Variants in LIPF observed in about 807,000 individuals in gnomAD.
The protein encoded by LIPF is gastric triacylglycerol lipase.
A neutral mutation model predicts 38.0 loss-of-function variants in LIPF; 25 were observed. The ratio of observed to expected loss-of-function variants is 0.66; its 90% CI spans 0.48 to 0.92. LIPF has a LOEUF of 0.92. Among genes scored for constraint, LIPF ranks in the 40% least tolerant of loss-of-function variants. The pLI, the probability that LIPF is intolerant of heterozygous loss-of-function variation, is 0.00. For missense variants in LIPF, 410 were observed against 469.9 expected (o/e 0.87, Z 1.18); for synonymous variants, 161 against 156.2 (o/e 1.03, Z -0.23).
intron 4 of LIPF, 69 bp from the exon 5 acceptor site, chr10:88,669,768 T>C: frequency 1.8e-6 from 2 of 1,104,558 alleles, no homozygotes; most frequent in East Asian, 2.4e-5. Context: ...TCATTAGCTA[T>C]AAATGCTTGA....
chr10:88,668,588 GT>G lies in LIPF; in HGVS notation c.257del (p.Leu86CysfsTer73). The G allele has an allele frequency of 6.2e-7, 1 of 1,614,120 alleles. No homozygotes were observed. The highest frequency in any genetic ancestry group is 1.3e-5 in the African/African-American group (1 of 75,036). On this transcript the variant is annotated frameshift_variant, in exon 4 of 10. Transcript: ENST00000238983. LOFTEE classifies it high-confidence loss of function. Reference protein sequence around the residue: ...GQRPVVFLQHGLLASATNWIS... With the variant: ...GQRPVVFLQHXLLASATNWIS... ...AGACCTGTTGTGTTTTTGCAGCATG[GT>G]TTGCTTGCATCAGCCACAAACTGGA... is the stretch of plus-strand genomic sequence containing the variant.
At chr10:88,675,719 T>C in intron 8 of LIPF, 62 bp downstream of exon 8, 1 of 1,201,816 alleles carries the variant, frequency 8.3e-7, no homozygotes, top group Middle Eastern at 1.9e-4. Context: ...TCACTTTACC[T>C]AAACACATTC....
intron 6 of LIPF, 124 bp from the exon 7 acceptor site, chr10:88,673,461 AAAC>A (rs1293227411): frequency 2.5e-6 from 2 of 794,544 alleles, no homozygotes; most frequent in Admixed American, 2.6e-5. Context: ...GAAATTCCTA[AAAC>A]AACATGTAAG....
chr10:88,678,180 G>T (rs1287594850), intron 9 of LIPF, among the ~76,000 whole-genome samples: 3 of 152,176 alleles, frequency 2.0e-5, no homozygotes, highest in Non-Finnish European at 4.4e-5. Flanking sequence ...AGAATCTCAG[G>T]CTGTTCCCCA....
chr10:88,673,784 T>G, intron 7 of LIPF, 50 bp downstream of exon 7: 1 of 1,484,800 alleles, frequency 6.7e-7, no homozygotes, highest in Non-Finnish European at 9.3e-7. Flanking sequence ...TTTGATTACT[T>G]GTTTCATTGC....
rs546126718 is a variant in LIPF at position 88,670,002 on chromosome 10, G to C, written c.532+56G>C. 24 of 1,105,580 alleles carry C rather than the reference G, an allele frequency of 2.2e-5. 1 individual carries two copies. Among genetic ancestry groups the C allele is most frequent in the Non-Finnish European group, 3.1e-5 (23 of 735,410 alleles). The allele number at this position is 1,105,580 out of a possible 1,614,324, so 68.5% of individuals were successfully genotyped here. On this transcript the variant is annotated intron_variant, in intron 5 of 9. Coordinates refer to ENST00000238983, the MANE Select transcript of LIPF (RefSeq NM_004190.4). ...TACTTCTCATAAACACTTTCCCAGTGGTTATGGTAGGCATGTTAGCAACCA... is the reference window on the plus strand; with the variant it reads ...TACTTCTCATAAACACTTTCCCAGTCGTTATGGTAGGCATGTTAGCAACCA...
Position 88,678,328 on chromosome 10 carries a change from A to G in LIPF, c.961-117A>G, listed in dbSNP as rs17287212. ...TAAAGGTGGTTTTCTCTGTGCAATC[A>G]TTGCTAGAATTCACTTATAAAACCG... is the stretch of plus-strand genomic sequence containing the variant. On this transcript the variant is annotated intron_variant, in intron 9 of 9. Transcript: ENST00000238983. 1.4e-3 allele frequency: 1,071 copies of G among 775,540 alleles called. 10 individuals carry two copies. In the African/African-American group the frequency reaches 0.017, roughly 12 times the overall value. 48.0% of individuals were successfully genotyped at this position (775,540 alleles called of 1,614,324 possible). A position where few individuals can be genotyped will look rare whatever the true frequency, so the allele number is the denominator to read the frequency against.
At position 88,678,769 on chromosome 10, in the gene LIPF, C is replaced by A; in HGVS notation, c.*88C>A. ...TTTTCATAATGTTTGACATGCAGTGCTTCTTTCTGTAATTTTGACTTTAGA... is the reference window on the plus strand; with the variant it reads ...TTTTCATAATGTTTGACATGCAGTGATTCTTTCTGTAATTTTGACTTTAGA... On this transcript the variant is annotated 3_prime_UTR_variant, in exon 10 of 10. Coordinates refer to ENST00000238983, the MANE Select transcript of LIPF (RefSeq NM_004190.4). 1.2e-6 allele frequency: 1 copy of A among 806,860 alleles called. No homozygotes were observed. Among genetic ancestry groups the A allele is most frequent in the Non-Finnish European group, 2.0e-6 (1 of 505,776 alleles). The allele number at this position is 806,860 out of a possible 1,614,324, so 50.0% of individuals were successfully genotyped here.
At chr10:88,677,455 G>A (rs1234223237) in intron 9 of LIPF, among the ~76,000 whole-genome samples, 1 of 152,118 alleles carries the variant, frequency 6.6e-6, no homozygotes, top group African/African-American at 2.4e-5. Context: ...ACTAATTTAA[G>A]AGCCAGGGCC....
At chr10:88,677,921 C>G (rs1841711669) in intron 9 of LIPF, among the ~76,000 whole-genome samples, 1 of 152,160 alleles carries the variant, frequency 6.6e-6, no homozygotes, top group South Asian at 2.1e-4. Context: ...ATAACTGAAA[C>G]AACTGACCTA....
chr10:88,675,424 T>C (rs1841670019), intron 7 of LIPF, 162 bp from the exon 8 acceptor site: 3 of 593,508 alleles, frequency 5.1e-6, no homozygotes, highest in Non-Finnish European at 5.9e-6. Flanking sequence ...AATTGCACTT[T>C]GCAAATTCTG....
In LIPF at chr10:88,669,874, A is replaced by G; in HGVS notation, c.460A>G (p.Ile154Val). 3 of 1,613,604 alleles carry G rather than the reference A, an allele frequency of 1.9e-6. No individual in the cohort carries two copies. Among genetic ancestry groups the G allele is most frequent in the Non-Finnish European group, 2.5e-6 (3 of 1,179,610 alleles). The change falls in exon 5 of 10, where the codon ATC becomes GTC. Residue 154 changes from isoleucine (I) to valine (V), a missense_variant. By Grantham distance (29) the Ile-to-Val change is conservative. Transcript: ENST00000238983. ...EMAKYDLPAT[I>V]DFIVKKTGQK... is the part of the protein sequence containing the mutation. ...GGCTAAATATGACCTTCCAGCCACA[A>G]TCGACTTCATTGTAAAGAAAACTGG... is the stretch of plus-strand genomic sequence containing the variant.
intron 5 of LIPF, among the ~76,000 whole-genome samples, chr10:88,671,601 T>A (rs1841597220): frequency 6.6e-6 from 1 of 152,188 alleles, no homozygotes; most frequent in African/African-American, 2.4e-5. Flanking sequence ...TAAAGGTTTA[T>A]GATAACTTTT....
intron 1 of LIPF, chr10:88,665,666 G>A: frequency 1.3e-6 from 1 of 765,704 alleles, no homozygotes; most frequent in Non-Finnish European, 2.2e-6. Context: ...CAACACTACT[G>A]GTTAGTCTTT....
intron 4 of LIPF, 68 bp from the exon 5 acceptor site, chr10:88,669,769 A>T: frequency 8.9e-7 from 1 of 1,121,852 alleles, no homozygotes; most frequent in Non-Finnish European, 1.3e-6. Context: ...CATTAGCTAT[A>T]AATGCTTGAA....
At chr10:88,667,248 A>G in intron 1 of LIPF, 39 bp from the exon 2 acceptor site, 1 of 1,130,350 alleles carries the variant, frequency 8.8e-7, no homozygotes, top group Non-Finnish European at 1.3e-6. Flanking sequence ...ATGAAAGTAT[A>G]ATGGATTAAC....
intron 9 of LIPF, 26 bp from the exon 10 acceptor site, chr10:88,678,404 GTGGTTACCTAAACTC>G: frequency 7.1e-7 from 1 of 1,406,706 alleles, no homozygotes; most frequent in Non-Finnish European, 1.0e-6. Flanking sequence ...GGTTTAAAGT[GTGGTTACCTAAACTC>G]TGGTTCTTTC....
chr10:88,677,378 A>G (rs1385677588), intron 9 of LIPF, among the ~76,000 whole-genome samples: 1 of 152,312 alleles, frequency 6.6e-6, no homozygotes, highest in Middle Eastern at 3.4e-3. Context: ...CCAGTCCCCA[A>G]GTCCACCCTT....
rs147291672 is a variant in LIPF, at chr10:88,668,585, A to C, written c.251A>C (p.His84Pro). 4 of 1,614,052 alleles carry C rather than the reference A, an allele frequency of 2.5e-6. No homozygotes were observed. The African/African-American group carries it at 5.3e-5, about 22-fold the overall frequency. The change falls in exon 4 of 10, where the codon CAT (histidine) becomes CCT (proline). Residue 84 changes from histidine (H) to proline (P), a missense_variant. By Grantham distance (77) the His-to-Pro change is moderately conservative. Coordinates refer to ENST00000238983, the MANE Select transcript of LIPF (RefSeq NM_004190.4). ...TGQRPVVFLQ[H>P]GLLASATNWI... ...CAGAGACCTGTTGTGTTTTTGCAGC[A>C]TGGTTTGCTTGCATCAGCCACAAAC...
Sources: allele counts gnomAD v4.1 joint callset (sites outside exome capture counted in the v4.1 genomes callset), GRCh38; gene constraint gnomAD v4.1.1; transcripts MANE v1.5; gene names NCBI Gene and HGNC (gene_info 2026-07-23, HGNC 2026-07-21).